SIRPG: variants seen among roughly 807,000 people sequenced by gnomAD.
The protein encoded by SIRPG is signal regulatory protein gamma.
SIRPG carries 38 observed loss-of-function variants against 35.7 expected under a neutral mutation model. The observed-to-expected ratio is 1.06, with a 90% CI of 0.82 to 1.40. The LOEUF (loss-of-function observed/expected upper bound fraction) is 1.40, where lower values mean the gene tolerates loss of function less well. SIRPG is among the 40% of genes most tolerant of loss of function. The probability of loss-of-function intolerance (pLI) is 0.00; values close to 1 mark genes in which losing one functional copy is unlikely to be tolerated. For missense variants in SIRPG, 519 were observed against 483.0 expected, an observed-to-expected ratio of 1.07 and a Z score of -0.70; for synonymous variants, 215 against 190.4, an observed-to-expected ratio of 1.13 and a Z score of -1.06.
At chr20:1,648,727 G>A (rs2091916068) in intron 2 of SIRPG, among the ~76,000 whole-genome samples, 1 of 152,312 alleles carries the variant, frequency 6.6e-6, no homozygotes, top group South Asian at 2.1e-4. Flanking sequence ...GGTGAGTTCT[G>A]GCCCCGTACC....
intron 2 of SIRPG, chr20:1,648,209 C>A (rs1052221951): frequency 6.6e-6 from 1 of 152,214 alleles, no homozygotes; most frequent in African/African-American, 2.4e-5. Flanking sequence ...AAATTGGGCA[C>A]CCCTGAGCCA....
In SIRPG at chr20:1,632,988, GA is replaced by G. The variant is rs911734817; in HGVS notation, c.1081+2278del. Among the ~76,000 whole-genome samples, 12 of 152,012 alleles carry G rather than the reference GA, an allele frequency of 7.9e-5. No homozygotes were observed. The South Asian group carries it at 1.7e-3, about 21-fold the overall frequency. On this transcript the variant is annotated intron_variant, in intron 4 of 5. Coordinates refer to ENST00000303415, the MANE Select transcript of SIRPG (RefSeq NM_018556.4). The stretch of plus-strand genomic sequence containing the variant: ...GTCCTTTGAAAAGACCAATAAAATG[GA>G]AAAAAACTATAGCAAGGCTGATGAA...
At chr20:1,675,887 T>A in the SIRPG span, among the ~76,000 whole-genome samples, 1 of 152,262 alleles carries the variant, frequency 6.6e-6, no homozygotes, top group East Asian at 1.9e-4. Context: ...TTTTTCTTTC[T>A]AAGTGGGTTA....
chr20:1,684,476 A>G, the SIRPG span, among the ~76,000 whole-genome samples: 1 of 152,210 alleles, frequency 6.6e-6, no homozygotes, highest in East Asian at 1.9e-4. Context: ...TATACTATAT[A>G]AAGATGTTTT....
intron 2 of SIRPG, among the ~76,000 whole-genome samples, chr20:1,642,656 C>T (rs1273828369): frequency 6.6e-6 from 1 of 152,186 alleles, no homozygotes; most frequent in African/African-American, 2.4e-5. Context: ...GCGGTTTCTT[C>T]ATAGTGATCA....
At chr20:1,676,133 G>A in the SIRPG span, among the ~76,000 whole-genome samples, 10 of 152,244 alleles carry the variant, frequency 6.6e-5, no homozygotes, top group East Asian at 5.8e-4. Context: ...GGGAACTTGC[G>A]TCTTTATCTG....
chr20:1,645,461 A>G (rs534018220), intron 2 of SIRPG, among the ~76,000 whole-genome samples: 1 of 152,262 alleles, frequency 6.6e-6, no homozygotes, highest in Admixed American at 6.5e-5. Flanking sequence ...CAAGATTGAA[A>G]GCCACGAGAC....
rs9305125 is a variant in SIRPG, at chr20:1,635,313, T to C, written c.1035A>G (p.Leu345=). Residue 345 remains leucine, a synonymous_variant, in exon 4 of 6, where the codon CTA becomes CTG. Transcript: ENST00000303415. ...GQLAVSKRLA[L]EVTVHQKDQS... The stretch of plus-strand genomic sequence containing the variant: ...GGTCCTTCTGGTGGACTGTGACCTC[T>C]AGGGCAAGGCGTTTGCTGACCGCCA... 1,352,106 of 1,614,000 alleles carry C rather than the reference T, an allele frequency of 0.84. 567,615 individuals are homozygous for C. Among genetic ancestry groups the C allele is most frequent in the African/African-American group, 0.97 (72,577 of 75,028 alleles).
chr20:1,682,434 G>A, the SIRPG span, among the ~76,000 whole-genome samples: 21,672 of 151,948 alleles, frequency 0.14, 2,557 homozygotes, highest in East Asian at 0.59. Context: ...CTCAACACAG[G>A]CCCCAAAAAT....
chr20:1,677,789 AT>A, the SIRPG span, among the ~76,000 whole-genome samples: 1 of 152,214 alleles, frequency 6.6e-6, no homozygotes, highest in East Asian at 1.9e-4. Flanking sequence ...TAATGGTGAG[AT>A]ACAGGTCAAA....
chr20:1,668,199 T>TTTCC, the SIRPG span, among the ~76,000 whole-genome samples: 1 of 67,394 alleles, frequency 1.5e-5, no homozygotes, highest in African/African-American at 4.8e-5. Flanking sequence ...TTTTCTTTTC[T>TTTCC]TTTCTTTCTT....
At chr20:1,648,827 A>G (rs2091916466) in intron 2 of SIRPG, among the ~76,000 whole-genome samples, 1 of 152,138 alleles carries the variant, frequency 6.6e-6, no homozygotes, top group South Asian at 2.1e-4. Flanking sequence ...AGAGCCAGAC[A>G]GATTGAAGAT....
upstream of SIRPG, among the ~76,000 whole-genome samples, chr20:1,660,262 C>T (rs1346043164): frequency 6.6e-6 from 1 of 152,080 alleles, no homozygotes; most frequent in African/African-American, 2.4e-5. Flanking sequence ...GCTGACTATA[C>T]ATAAATAAGT....
the SIRPG span, among the ~76,000 whole-genome samples, chr20:1,686,146 C>T: frequency 1.3e-5 from 2 of 152,292 alleles, no homozygotes; most frequent in Non-Finnish European, 1.5e-5. Flanking sequence ...GATTCCATCC[C>T]TTGGTAGCCA....
At chr20:1,684,599 ACT>A in the SIRPG span, among the ~76,000 whole-genome samples, 1 of 152,170 alleles carries the variant, frequency 6.6e-6, no homozygotes, top group African/African-American at 2.4e-5. Flanking sequence ...CAGCGTTTTA[ACT>A]CTGAGTGTCA....
the SIRPG span, among the ~76,000 whole-genome samples, chr20:1,674,458 G>A: frequency 2.6e-5 from 4 of 152,186 alleles, no homozygotes; most frequent in Non-Finnish European, 4.4e-5. Flanking sequence ...TGAGGTCAGT[G>A]TTATCATCAA....
the SIRPG span, among the ~76,000 whole-genome samples, chr20:1,666,841 T>TA: frequency 6.6e-6 from 1 of 151,996 alleles, no homozygotes; most frequent in African/African-American, 2.4e-5. Context: ...AAAATATTTT[T>TA]AAAAAAATTA....
chr20:1,636,158 G>A (rs368382666), intron 3 of SIRPG, 30 bp downstream of exon 3: 58 of 1,604,452 alleles, frequency 3.6e-5, no homozygotes, highest in Middle Eastern at 1.6e-4. Flanking sequence ...AGCCAGGTGT[G>A]GGCTTGGGCT....
intron 1 of SIRPG, among the ~76,000 whole-genome samples, chr20:1,653,143 A>T (rs1251362116): frequency 6.6e-6 from 1 of 152,236 alleles, no homozygotes; most frequent in Non-Finnish European, 1.5e-5. Flanking sequence ...ACCCAAGAGC[A>T]GCAGCTGCAG....
Sources: allele counts gnomAD v4.1 joint callset (sites outside exome capture counted in the v4.1 genomes callset), GRCh38; gene constraint gnomAD v4.1.1; transcripts MANE v1.5; gene names NCBI Gene and HGNC (gene_info 2026-07-23, HGNC 2026-07-21).